The following PTPRJ variants were observed in gnomAD, a reference collection of about 807,000 sequenced individuals.
PTPRJ encodes protein tyrosine phosphatase receptor type J.
PTPRJ carries 129 observed loss-of-function variants against 141.3 expected under a neutral mutation model. That is an observed-to-expected ratio of 0.91 (90% CI 0.79 to 1.06). The LOEUF (loss-of-function observed/expected upper bound fraction) is 1.06, where lower values mean the gene tolerates loss of function less well. PTPRJ is among the 50% of genes least tolerant of loss of function. The pLI is 0.00. For missense variants in PTPRJ, 1,601 were observed against 1,679.7 expected (o/e 0.95, Z 0.82); for synonymous variants, 610 against 640.5 (o/e 0.95, Z 0.72).
At chr11:48,067,748 T>C (rs1449174338) in intron 1 of PTPRJ, among the ~76,000 whole-genome samples, 1 of 152,172 alleles carries the variant, frequency 6.6e-6, no homozygotes, top group African/African-American at 2.4e-5. Flanking sequence ...GTCCAACAAG[T>C]GCAGTTCTTC....
At chr11:48,124,762 G>A (rs540778503) in intron 5 of PTPRJ, among the ~76,000 whole-genome samples, 29 of 152,326 alleles carry the variant, frequency 1.9e-4, no homozygotes, top group Non-Finnish European at 3.7e-4. Flanking sequence ...TGGTGCTACT[G>A]GAATAACAGT....
rs770650575 is a variant in PTPRJ, at chr11:48,150,014, A to AT, written c.3050+24dup. The AT allele has an allele frequency of 6.3e-5, 94 of 1,496,072 alleles. 1 individual carries two copies. The highest frequency in any genetic ancestry group is 3.4e-4 in the South Asian group (29 of 85,316). 92.7% of individuals were successfully genotyped at this position (1,496,072 alleles called of 1,614,324 possible). A position where few individuals can be genotyped will look rare whatever the true frequency, so the allele number is the denominator to read the frequency against. ...GACCTAAAAAGTGAGTAATCTCTTTATTTTTTTTAATAACTTGTACTTTTC... is the reference window on the plus strand; with the variant it reads ...GACCTAAAAAGTGAGTAATCTCTTTATTTTTTTTTAATAACTTGTACTTTTC... On this transcript the variant is annotated intron_variant, in intron 17 of 24. Transcript: ENST00000418331.
chr11:48,007,370 A>G (rs1298870661), intron 1 of PTPRJ, among the ~76,000 whole-genome samples: 1 of 151,284 alleles, frequency 6.6e-6, no homozygotes, highest in Non-Finnish European at 1.5e-5. Flanking sequence ...CGGCCTCCCA[A>G]AGTGCTGGGA....
Position 48,087,894 on chromosome 11 carries a change from A to G in PTPRJ, c.97-22164A>G, listed in dbSNP as rs557365237. On this transcript the variant is annotated intron_variant, in intron 1 of 24. Coordinates refer to ENST00000418331, the MANE Select transcript of PTPRJ (RefSeq NM_002843.4). The stretch of plus-strand genomic sequence containing the variant: ...AATAAATAGATCCTTGTGAAAGGTC[A>G]GTGAGCAGCATCAGCCAGAAGGGCT... 9.2e-5 allele frequency among the ~76,000 whole-genome samples: 14 copies of G among 152,358 alleles called. No homozygotes were observed. In the East Asian group the frequency reaches 1.5e-3, roughly 17 times the overall value.
intron 1 of PTPRJ, among the ~76,000 whole-genome samples, chr11:48,082,392 C>A (rs1201700270): frequency 6.7e-6 from 1 of 150,136 alleles, no homozygotes; most frequent in African/African-American, 2.4e-5. Context: ...CACAGGCTTA[C>A]ACCACCATAC....
chr11:48,166,416 C>T (rs1189494014), intron 24 of PTPRJ, among the ~76,000 whole-genome samples: 4 of 151,482 alleles, frequency 2.6e-5, no homozygotes, highest in African/African-American at 9.7e-5. Context: ...TGGGTTCCAG[C>T]GATTCTCCTG....
intron 8 of PTPRJ, chr11:48,132,367 A>C (rs895057065): frequency 1.0e-6 from 1 of 977,314 alleles, no homozygotes; most frequent in African/African-American, 1.8e-5. Flanking sequence ...CCTGTCTCAA[A>C]AAAAAATTTT....
chr11:48,087,410 G>T (rs549819830), intron 1 of PTPRJ, among the ~76,000 whole-genome samples: 1 of 152,318 alleles, frequency 6.6e-6, no homozygotes, highest in Admixed American at 6.5e-5. Context: ...GTTAGTAGGT[G>T]GTAAGTACTT....
chr11:47,984,402 A>G (rs755041334), intron 1 of PTPRJ, among the ~76,000 whole-genome samples: 1 of 152,106 alleles, frequency 6.6e-6, no homozygotes, highest in Non-Finnish European at 1.5e-5. Flanking sequence ...ATAAGAGGCA[A>G]TTTTCTGTGT....
At chr11:48,037,081 C>T (rs187430118) in intron 1 of PTPRJ, among the ~76,000 whole-genome samples, 49 of 152,300 alleles carry the variant, frequency 3.2e-4, no homozygotes, top group East Asian at 1.2e-3. Context: ...CACTGGAAAG[C>T]GTAAAATATA....
intron 1 of PTPRJ, among the ~76,000 whole-genome samples, chr11:48,071,075 T>G (rs1300483019): frequency 6.6e-6 from 1 of 152,220 alleles, no homozygotes; most frequent in Non-Finnish European, 1.5e-5. Context: ...GGGACTTGGT[T>G]ATCCTGGGAT....
At chr11:47,989,228 G>GT (rs1225785762) in intron 1 of PTPRJ, among the ~76,000 whole-genome samples, 3 of 149,680 alleles carry the variant, frequency 2.0e-5, no homozygotes, top group African/African-American at 7.4e-5. Context: ...AGTTAGTTGA[G>GT]TTTTTTGGTC....
intron 24 of PTPRJ, among the ~76,000 whole-genome samples, chr11:48,166,883 G>C (rs1442912293): frequency 6.6e-6 from 1 of 152,138 alleles, no homozygotes; most frequent in East Asian, 1.9e-4. Context: ...TTGATTGTTC[G>C]AATGTGTGTG....
chr11:48,070,471 A>G (rs571113783), intron 1 of PTPRJ, among the ~76,000 whole-genome samples: 122 of 149,962 alleles, frequency 8.1e-4, no homozygotes, highest in Admixed American at 5.7e-3. Context: ...ACTGCATTCC[A>G]GCCTGGGTGA....
intron 1 of PTPRJ, among the ~76,000 whole-genome samples, chr11:47,994,479 AC>A (rs1482020365): frequency 2.6e-5 from 4 of 151,540 alleles, no homozygotes; most frequent in Non-Finnish European, 5.9e-5. Context: ...ACATGGTGAA[AC>A]CCTGTCTCTA....
rs1855338240 is a variant in PTPRJ at position 48,074,111 on chromosome 11, T to G, written c.97-35947T>G. On this transcript the variant is annotated intron_variant, in intron 1 of 24. Transcript: ENST00000418331. ...CCTCCTGCCTCAGCCTCCCAAGTAG[T>G]TGGGACTACAGGCACATGCCACCAT... Among the ~76,000 whole-genome samples the G allele has an allele frequency of 2.6e-5, 4 of 152,176 alleles. No homozygotes were observed. The South Asian group carries it at 8.3e-4, about 32-fold the overall frequency.
intron 10 of PTPRJ, 140 bp downstream of exon 10, chr11:48,137,421 G>T: frequency 1.2e-6 from 1 of 837,750 alleles, no homozygotes; most frequent in Non-Finnish European, 1.9e-6. Flanking sequence ...CATCCTGTTA[G>T]CTTATCGGTG....
At chr11:48,020,569 T>C (rs1855088826) in intron 1 of PTPRJ, among the ~76,000 whole-genome samples, 1 of 152,022 alleles carries the variant, frequency 6.6e-6, no homozygotes, top group African/African-American at 2.4e-5. Flanking sequence ...CGCAGTGCAG[T>C]CCGGGGGCAG....
At chr11:47,989,639 T>A (rs1323381721) in intron 1 of PTPRJ, among the ~76,000 whole-genome samples, 1 of 152,126 alleles carries the variant, frequency 6.6e-6, no homozygotes, top group Non-Finnish European at 1.5e-5. Flanking sequence ...TATCTATAGA[T>A]AGATAGATAT....
Sources: gnomAD v4.1 joint callset for allele counts (sites outside exome capture counted in the v4.1 genomes callset) on GRCh38, gnomAD v4.1.1 for gene constraint, MANE v1.5 for transcripts, NCBI Gene and HGNC (gene_info 2026-07-23, HGNC 2026-07-21) for gene names.